The following SEM1 variants were observed in gnomAD, a reference collection of about 807,000 sequenced individuals.
The protein encoded by SEM1 is SEM1 26S proteasome subunit.
SEM1 carries 3 observed loss-of-function variants against 12.7 expected under a neutral mutation model. That is an observed-to-expected ratio of 0.24 (90% CI 0.11 to 0.61). The LOEUF (loss-of-function observed/expected upper bound fraction) is 0.61, where lower values mean the gene tolerates loss of function less well. SEM1 is among the 20% of genes least tolerant of loss of function. SEM1 has a pLI of 0.88. For missense variants in SEM1, 59 were observed against 81.3 expected, an observed-to-expected ratio of 0.73 and a Z score of 1.06; for synonymous variants, 30 against 27.8, an observed-to-expected ratio of 1.08 and a Z score of -0.25.
At chr7:96,518,487 G>A (rs1335329853) in intron 2 of SEM1, among the ~76,000 whole-genome samples, 1 of 152,094 alleles carries the variant, frequency 6.6e-6, no homozygotes, top group Non-Finnish European at 1.5e-5. Flanking sequence ...GGCATGTGTA[G>A]GCTGAGGATA....
intron 1 of SEM1, among the ~76,000 whole-genome samples, chr7:96,697,885 C>T (rs529079334): frequency 1.4e-4 from 21 of 152,176 alleles, no homozygotes; most frequent in Admixed American, 1.3e-3. Context: ...GAAAATTTCA[C>T]TTCTGTAGGT....
rs116014190 is a variant in SEM1, at chr7:96,661,217, T to C, written c.170+33581A>G. On this transcript the variant is annotated intron_variant, in intron 2 of 2. Transcript: ENST00000417009. Reference sequence around the variant, plus strand: ...CCAGATTCTGTACTCCTCATCACTATCCTTTGCTACTTCTCAAAAGACATG... The same window carrying C: ...CCAGATTCTGTACTCCTCATCACTACCCTTTGCTACTTCTCAAAAGACATG... Among the ~76,000 whole-genome samples the C allele has an allele frequency of 5.0e-3, 760 of 152,248 alleles. 7 individuals are homozygous for C. The highest frequency in any genetic ancestry group is 0.017 in the African/African-American group (724 of 41,548).
chr7:96,666,031 G>A (rs1334903565), intron 2 of SEM1, among the ~76,000 whole-genome samples: 1 of 152,108 alleles, frequency 6.6e-6, no homozygotes, highest in East Asian at 1.9e-4. Context: ...ACTAGCAAGT[G>A]GGAAAAAAGC....
intron 2 of SEM1, among the ~76,000 whole-genome samples, chr7:96,572,913 G>A (rs577668757): frequency 6.6e-6 from 1 of 152,296 alleles, no homozygotes; most frequent in Admixed American, 6.5e-5. Flanking sequence ...TTTTGTGAGA[G>A]TCTAAGTCTC....
intron 2 of SEM1, among the ~76,000 whole-genome samples, chr7:96,557,832 C>CA (rs1349246081): frequency 1.3e-5 from 2 of 152,252 alleles, no homozygotes; most frequent in East Asian, 3.9e-4. Flanking sequence ...GCTGTGCTAG[C>CA]AATCAGCCAG....
chr7:96,706,171 C>T (rs1189227284), intron 1 of SEM1: 7 of 152,184 alleles, frequency 4.6e-5, no homozygotes, highest in Admixed American at 4.6e-4. Context: ...GCCAATGTAG[C>T]ACCAATTCAC....
chr7:96,506,757 T>C (rs1044184483), intron 2 of SEM1: 7 of 152,060 alleles, frequency 4.6e-5, no homozygotes, highest in African/African-American at 1.7e-4. Context: ...TAATTGCAAG[T>C]ATTGAGAAGT....
At chr7:96,681,666 G>C (rs1018144285) in intron 2 of SEM1, among the ~76,000 whole-genome samples, 1 of 152,034 alleles carries the variant, frequency 6.6e-6, no homozygotes, top group South Asian at 2.1e-4. Flanking sequence ...GCTTGTTTTT[G>C]TCAGGCTTGT....
At chr7:96,637,892 T>C (rs1223045782) in intron 2 of SEM1, among the ~76,000 whole-genome samples, 1 of 151,990 alleles carries the variant, frequency 6.6e-6, no homozygotes, top group African/African-American at 2.4e-5. Context: ...ATTTTTTCAC[T>C]GACTCAACAG....
At chr7:96,526,770 A>G (rs1804476830) in intron 2 of SEM1, among the ~76,000 whole-genome samples, 1 of 152,008 alleles carries the variant, frequency 6.6e-6, no homozygotes, top group Non-Finnish European at 1.5e-5. Flanking sequence ...TGTTCTTCCC[A>G]GCCCCTGGGG....
chr7:96,537,537 T>G (rs555032272), intron 2 of SEM1, among the ~76,000 whole-genome samples: 3 of 151,736 alleles, frequency 2.0e-5, no homozygotes, highest in Non-Finnish European at 4.4e-5. Context: ...ATTCTAGATT[T>G]TTTTTTCTTT....
intron 2 of SEM1, among the ~76,000 whole-genome samples, chr7:96,607,626 C>T (rs1807421539): frequency 6.7e-6 from 1 of 149,650 alleles, no homozygotes; most frequent in South Asian, 2.1e-4. Flanking sequence ...CACCCCACCT[C>T]ATGTACATTG....
chr7:96,599,513 G>A (rs979712980), intron 2 of SEM1, among the ~76,000 whole-genome samples: 2 of 152,110 alleles, frequency 1.3e-5, no homozygotes, highest in African/African-American at 4.8e-5. Context: ...GATGAGACTG[G>A]TATCAGGTTG....
chr7:96,562,593 G>T (rs4346937), intron 2 of SEM1, among the ~76,000 whole-genome samples: 95,602 of 152,068 alleles, frequency 0.63, 30,765 homozygotes, highest in East Asian at 0.76. Flanking sequence ...CTCTGAACTT[G>T]GCCTTGAGCC....
intron 2 of SEM1, among the ~76,000 whole-genome samples, chr7:96,616,171 G>A (rs1563084209): frequency 6.6e-6 from 1 of 152,022 alleles, no homozygotes; most frequent in Admixed American, 6.6e-5. Context: ...GAGTACATAA[G>A]CATTCTCTTT....
intron 3 of SEM1, chr7:96,484,723 C>T: frequency 1.6e-6 from 1 of 618,724 alleles, no homozygotes; most frequent in South Asian, 1.7e-5. Context: ...CCTAACTCTT[C>T]CGAATGACTC....
chr7:96,491,624 T>C (rs547607018), intron 1 of SEM1, among the ~76,000 whole-genome samples: 1 of 152,312 alleles, frequency 6.6e-6, no homozygotes, highest in South Asian at 2.1e-4. Context: ...AGCCTCATAT[T>C]TACTGCTGCG....
chr7:96,524,098 T>C (rs926426627), intron 2 of SEM1, among the ~76,000 whole-genome samples: 1 of 152,164 alleles, frequency 6.6e-6, no homozygotes, highest in Non-Finnish European at 1.5e-5. Context: ...CATGCTGCCA[T>C]GCTCTGTCTC....
At chr7:96,707,120 G>C (rs1234582629) in intron 1 of SEM1, among the ~76,000 whole-genome samples, 1 of 152,150 alleles carries the variant, frequency 6.6e-6, no homozygotes, top group Non-Finnish European at 1.5e-5. Flanking sequence ...AGCCCACACT[G>C]ATTAAGTAGG....
Sources: gnomAD v4.1 joint callset for allele counts (sites outside exome capture counted in the v4.1 genomes callset) on GRCh38, gnomAD v4.1.1 for gene constraint, MANE v1.5 for transcripts, NCBI Gene and HGNC (gene_info 2026-07-23, HGNC 2026-07-21) for gene names.